Variants in PHIP observed in about 807,000 individuals in gnomAD.
PHIP encodes PH-interacting protein.
A neutral mutation model predicts 236.8 loss-of-function variants in PHIP; 54 were observed. The ratio of observed to expected loss-of-function variants is 0.23; its 90% CI spans 0.18 to 0.29. The LOEUF is 0.29. PHIP is among the 10% of genes least tolerant of loss of function. PHIP has a pLI of 1.00. For missense variants in PHIP, 1,370 were observed against 2,190.8 expected, an observed-to-expected ratio of 0.63 and a Z score of 7.48; for synonymous variants, 756 against 718.9, an observed-to-expected ratio of 1.05 and a Z score of -0.83.
chr6:79,026,943 C>G (rs979057508), intron 7 of PHIP, among the ~76,000 whole-genome samples: 1 of 151,938 alleles, frequency 6.6e-6, no homozygotes, highest in African/African-American at 2.4e-5. Flanking sequence ...ATTTTTGCCA[C>G]ATTTTCTAGT....
Position 78,955,680 on chromosome 6 carries a change from T to A in PHIP, c.3785A>T (p.Asp1262Val). 9.9e-7 allele frequency: 1 copy of A among 1,006,878 alleles called. No homozygotes were observed. Among genetic ancestry groups the A allele is most frequent in the Non-Finnish European group, 1.5e-6 (1 of 658,062 alleles). The allele number at this position is 1,006,878 out of a possible 1,614,324, so 62.4% of individuals were successfully genotyped here. A position where few individuals can be genotyped will look rare whatever the true frequency, so the allele number is the denominator to read the frequency against. ...TGGAATTATGTTATAACAAGTCTGA[T>A]CCCTACATAACAAGGAAATGTTAAC... ...VTDLLLHFIKDQTCYNIIPLY... is the reference protein window; with the variant it reads ...VTDLLLHFIKVQTCYNIIPLY... Residue 1262 changes from aspartate (D) to valine (V), a missense_variant and splice_region_variant, in exon 33 of 40, where the codon GAT becomes GTT. By Grantham distance (152) the Asp-to-Val change is radical (BLOSUM62 -3). Transcript: ENST00000275034.
chr6:79,059,734 T>C (rs1169429425), intron 6 of PHIP, among the ~76,000 whole-genome samples: 2 of 151,390 alleles, frequency 1.3e-5, no homozygotes, highest in Non-Finnish European at 2.9e-5. Flanking sequence ...GTAACATTCC[T>C]GGCTAGGCAG....
In PHIP at chr6:79,053,647, C is replaced by T. The variant is rs185693320; in HGVS notation, c.439+6831G>A. ...AAGATGTCTAAGAAAACACTGAATA[C>T]GTAACTTTAAAGGATCCCTGAAGAA... On this transcript the variant is annotated intron_variant, in intron 6 of 39. Transcript: ENST00000275034. Among the ~76,000 whole-genome samples, 99 of 152,192 alleles carry T rather than the reference C, an allele frequency of 6.5e-4. 1 individual carries two copies. The South Asian group carries it at 8.3e-3, about 13-fold the overall frequency.
At chr6:79,003,412 C>A (rs1165455759) in intron 16 of PHIP, among the ~76,000 whole-genome samples, 1 of 151,946 alleles carries the variant, frequency 6.6e-6, no homozygotes, top group Non-Finnish European at 1.5e-5. Context: ...ATTTCAGAGT[C>A]CCACTATGGA....
At chr6:78,982,421 C>G (rs765053717) in intron 23 of PHIP, among the ~76,000 whole-genome samples, 4 of 152,006 alleles carry the variant, frequency 2.6e-5, no homozygotes, top group Non-Finnish European at 4.4e-5. Flanking sequence ...GACCATCTTA[C>G]CCCACTTTAT....
chr6:79,020,769 C>T (rs1466734546), intron 9 of PHIP, among the ~76,000 whole-genome samples: 2 of 152,194 alleles, frequency 1.3e-5, no homozygotes, highest in East Asian at 3.9e-4. Flanking sequence ...GACGGAGTCT[C>T]GTTCTGTGGC....
Position 79,078,048 on chromosome 6 carries a change from G to A in PHIP, c.21C>T (p.Gly7=), listed in dbSNP as rs1454620036. Residue 7 remains glycine (G), a synonymous_variant, in exon 1 of 40, where the codon GGC becomes GGT. Coordinates refer to ENST00000275034, the MANE Select transcript of PHIP (RefSeq NM_017934.7). The stretch of plus-strand genomic sequence containing the variant: ...ACTTACCCGATCGCAGCTCCGAGAG[G>A]CCTTTCCTCTCACAAGACATGTTTA... MSCERK[G]LSELRSELYF... is the part of the protein sequence containing the mutation. 12 of 1,609,406 alleles carry A rather than the reference G, an allele frequency of 7.5e-6. No homozygotes were observed. The highest frequency in any genetic ancestry group is 5.3e-5 in the African/African-American group (4 of 74,792).
At chr6:78,957,488 G>A (rs566370191) in intron 32 of PHIP, 4 of 151,298 alleles carry the variant, frequency 2.6e-5, no homozygotes, top group African/African-American at 9.7e-5. Flanking sequence ...TTCTTATACT[G>A]AAATGACCTG....
In PHIP at chr6:78,939,644, C is replaced by T. The variant is rs913087592; in HGVS notation, c.*1049G>A. On this transcript the variant is annotated 3_prime_UTR_variant, in exon 40 of 40. Transcript: ENST00000275034. The stretch of plus-strand genomic sequence containing the variant: ...ATATATACACATACACACACAGACA[C>T]GTTTCTTTGTAAGTCATTTTAGGCT... 1.3e-5 allele frequency: 2 copies of T among 151,828 alleles called. No individual in the cohort carries two copies. Among genetic ancestry groups the T allele is most frequent in the Non-Finnish European group, 2.9e-5 (2 of 67,800 alleles). The allele number at this position is 151,828 out of a possible 1,614,324, so 9.4% of individuals were successfully genotyped here. A position where few individuals can be genotyped will look rare whatever the true frequency, so the allele number is the denominator to read the frequency against.
intron 6 of PHIP, among the ~76,000 whole-genome samples, chr6:79,051,752 A>C (rs1410978133): frequency 6.6e-6 from 1 of 152,238 alleles, no homozygotes; most frequent in Non-Finnish European, 1.5e-5. Context: ...TATTAGGAAT[A>C]GTATTTAATC....
chr6:79,048,413 T>A (rs951738862), intron 6 of PHIP, among the ~76,000 whole-genome samples: 1 of 152,082 alleles, frequency 6.6e-6, no homozygotes, highest in Non-Finnish European at 1.5e-5. Flanking sequence ...ATAACCTTAG[T>A]AAATACATTT....
intron 35 of PHIP, among the ~76,000 whole-genome samples, chr6:78,950,239 G>T (rs1427923838): frequency 6.6e-6 from 1 of 152,094 alleles, no homozygotes; most frequent in Non-Finnish European, 1.5e-5. Flanking sequence ...AACAGCACTT[G>T]GTCATGGTAT....
At chr6:79,026,825 TCA>T (rs1235858800) in intron 7 of PHIP, among the ~76,000 whole-genome samples, 2 of 151,636 alleles carry the variant, frequency 1.3e-5, no homozygotes, top group African/African-American at 2.4e-5. Context: ...GATAGAACAT[TCA>T]GACTCTATTT....
rs1401827837 is a variant in PHIP, at chr6:78,976,192, A to G, written c.2889+2400T>C. 1.1e-4 allele frequency among the ~76,000 whole-genome samples: 16 copies of G among 149,642 alleles called. 1 individual carries two copies. The highest frequency in any genetic ancestry group is 1.9e-4 in the Non-Finnish European group (13 of 66,740). On this transcript the variant is annotated intron_variant, in intron 24 of 39. Transcript: ENST00000275034. The stretch of plus-strand genomic sequence containing the variant: ...CAAAACAGAGATATAGATCAATGGA[A>G]CAGAACAGAGCCCTCAGAAATAACG...
At chr6:78,992,830 C>T (rs905075451) in intron 19 of PHIP, among the ~76,000 whole-genome samples, 1 of 152,088 alleles carries the variant, frequency 6.6e-6, no homozygotes, top group Non-Finnish European at 1.5e-5. Context: ...TAAAGTTAGG[C>T]CAATTAAAAA....
rs192708759 is a variant in PHIP, at chr6:79,049,231, C to T, written c.440-6228G>A. Among the ~76,000 whole-genome samples, 97 of 151,716 alleles carry T rather than the reference C, an allele frequency of 6.4e-4. 1 individual carries two copies. The South Asian group carries it at 8.1e-3, about 13-fold the overall frequency. On this transcript the variant is annotated intron_variant, in intron 6 of 39. Transcript: ENST00000275034. ...GTGTGCACCACCATGCCTAATTTTT[C>T]TTGTATTTTTAGTAGAGACGGGGTT...
Position 78,988,287 on chromosome 6 carries a change from G to A in PHIP, c.2382C>T (p.His794=), listed in dbSNP as rs754314182. Residue 794 remains histidine, a synonymous_variant, in exon 21 of 40, where the codon CAC becomes CAT. Transcript: ENST00000275034. ...GESKKQQTNQ[H]NYRTRSALEE... Reference sequence around the variant, plus strand: ...CCAATGCAGATCTTGTACGATAATTGTGTTGATTTGTCTGTTGCTTTTTGG... The same window carrying A: ...CCAATGCAGATCTTGTACGATAATTATGTTGATTTGTCTGTTGCTTTTTGG... 52 of 1,606,308 alleles carry A rather than the reference G, an allele frequency of 3.2e-5. No homozygotes were observed. In the Middle Eastern group the frequency reaches 9.9e-4, roughly 31 times the overall value.
intron 6 of PHIP, among the ~76,000 whole-genome samples, chr6:79,057,702 C>G (rs1218624806): frequency 6.6e-6 from 1 of 151,934 alleles, no homozygotes; most frequent in Admixed American, 6.6e-5. Flanking sequence ...TTAAAGGTAG[C>G]CAGACAGAAA....
Position 78,936,552 on chromosome 6 carries a change from C to G in PHIP, c.*4141G>C, listed in dbSNP as rs1414864932. On this transcript the variant is annotated 3_prime_UTR_variant, in exon 40 of 40. Coordinates refer to ENST00000275034, the MANE Select transcript of PHIP (RefSeq NM_017934.7). The stretch of plus-strand genomic sequence containing the variant: ...TTCTTGGCTCCTTGAATTGTAGAAA[C>G]TCAGCCATGCACTAAGTATTTGGTC... 1 of 151,812 alleles carries G rather than the reference C, an allele frequency of 6.6e-6. No homozygotes were observed. Among genetic ancestry groups the G allele is most frequent in the Non-Finnish European group, 1.5e-5 (1 of 67,784 alleles). The allele number at this position is 151,812 out of a possible 1,614,324, so 9.4% of individuals were successfully genotyped here. A position where few individuals can be genotyped will look rare whatever the true frequency, so the allele number is the denominator to read the frequency against.
Sources: gnomAD v4.1 joint callset for allele counts (sites outside exome capture counted in the v4.1 genomes callset) on GRCh38, gnomAD v4.1.1 for gene constraint, MANE v1.5 for transcripts, NCBI Gene and HGNC (gene_info 2026-07-23, HGNC 2026-07-21) for gene names.